The following LHX9 variants were observed in gnomAD, a reference collection of about 807,000 sequenced individuals.
LHX9 encodes the protein LIM homeobox 9.
Under a neutral mutation model 36.5 loss-of-function variants are expected in LHX9, and 9 were observed. The observed-to-expected ratio is 0.25, with a 90% CI of 0.15 to 0.43. The LOEUF is 0.43. LHX9 is among the 20% of genes least tolerant of loss of function. LHX9 has a pLI of 1.00. For synonymous variants in LHX9, 211 were observed against 212.1 expected, an observed-to-expected ratio of 0.99 and a Z score of 0.04; for missense variants, 464 against 526.4, an observed-to-expected ratio of 0.88 and a Z score of 1.16.
upstream of LHX9, chr1:197,917,219 G>C: frequency 8.4e-7 from 1 of 1,189,706 alleles, no homozygotes; most frequent in Non-Finnish European, 1.1e-6. Flanking sequence ...TGTCCTGCTT[G>C]CCCATCACCA....
chr1:197,918,245 G>A (rs938018024), intron 1 of LHX9: 2 of 715,988 alleles, frequency 2.8e-6, no homozygotes, highest in Non-Finnish European at 5.2e-6. Flanking sequence ...GAGAGGAACT[G>A]GGAGGAGGTG....
upstream of LHX9, chr1:197,915,879 CCT>C (rs892583231): frequency 8.5e-5 from 13 of 152,230 alleles, no homozygotes; most frequent in African/African-American, 3.1e-4. Flanking sequence ...TCCCTCTCTC[CCT>C]CTCTCCCTGG....
chr1:197,912,763 C>T, upstream of LHX9: 1 of 629,734 alleles, frequency 1.6e-6, no homozygotes, highest in Non-Finnish European at 2.8e-6. Context: ...CTGAAACCCT[C>T]CTTTTGCCTT....
Position 197,934,234 on chromosome 1 carries a change from AC to A in LHX9, c.*4978del, listed in dbSNP as rs1241033000. ...ATCTACCACACATTCTTTTATAATA[AC>A]CCTTTTTTGGGAGTCAAAGTATTGT... On this transcript the variant is annotated 3_prime_UTR_variant, in exon 5 of 5. Transcript: ENST00000367387. 3 of 148,790 alleles carry A rather than the reference AC, an allele frequency of 2.0e-5. No individual in the cohort carries two copies. The East Asian group carries it at 5.8e-4, about 29-fold the overall frequency. 9.2% of individuals were successfully genotyped at this position (148,790 alleles called of 1,614,324 possible).
At chr1:197,918,227 A>C (rs559691253) in intron 1 of LHX9, 1 of 709,852 alleles carries the variant, frequency 1.4e-6, no homozygotes, top group Non-Finnish European at 2.6e-6. Flanking sequence ...TGATTCCGAA[A>C]GAGCAGGGAG....
chr1:197,924,682 G>A (rs1660092975), intron 3 of LHX9, among the ~76,000 whole-genome samples: 1 of 152,104 alleles, frequency 6.6e-6, no homozygotes, highest in African/African-American at 2.4e-5. Context: ...AAGGCTCCTG[G>A]TGGTTAAATT....
At chr1:197,916,363 G>A (rs1659752719), upstream of LHX9, 2 of 356,240 alleles carry the variant, frequency 5.6e-6, no homozygotes, top group African/African-American at 4.2e-5. Flanking sequence ...ACCCTTCTGA[G>A]TGTGCGGGTG....
chr1:197,918,810 GACTACAGAAGTCTCC>G (rs1557971890), intron 1 of LHX9: 90 of 51,466 alleles, frequency 1.7e-3, no homozygotes, highest in Non-Finnish European at 2.2e-3. Flanking sequence ...GGGGGGGGGG[GACTACAGAAGTCTCC>G]GGAAATTATT....
intron 2 of LHX9, 131 bp downstream of exon 2, chr1:197,920,305 C>A: frequency 2.0e-6 from 1 of 508,914 alleles, no homozygotes; most frequent in South Asian, 1.7e-5. Flanking sequence ...GGAGACCAGG[C>A]AAACCCACTG....
chr1:197,919,264 G>C (rs1659889584), intron 1 of LHX9, among the ~76,000 whole-genome samples: 1 of 152,218 alleles, frequency 6.6e-6, no homozygotes, highest in African/African-American at 2.4e-5. Flanking sequence ...GCACTAAACA[G>C]ATTTTCAAGA....
chr1:197,930,364 C>A lies in LHX9; in HGVS notation c.*1105C>A, dbSNP rs1484370283. On this transcript the variant is annotated 3_prime_UTR_variant, in exon 5 of 5. Coordinates refer to ENST00000367387, the MANE Select transcript of LHX9 (RefSeq NM_020204.3). ...GTCTTAAAGTAGATAAACTCAGAAG[C>A]CTTGTGGATGCTGATCTGAATATAT... is the stretch of plus-strand genomic sequence containing the variant. The A allele has an allele frequency of 1.3e-5, 2 of 152,008 alleles. No homozygotes were observed. The highest frequency in any genetic ancestry group is 4.8e-5 in the African/African-American group (2 of 41,400). 9.4% of individuals were successfully genotyped at this position (152,008 alleles called of 1,614,324 possible). A position where few individuals can be genotyped will look rare whatever the true frequency, so the allele number is the denominator to read the frequency against.
rs1571410507 is a variant in LHX9 at position 197,932,328 on chromosome 1, A to G, written c.*3069A>G. On this transcript the variant is annotated 3_prime_UTR_variant, in exon 5 of 5. Coordinates refer to ENST00000367387, the MANE Select transcript of LHX9 (RefSeq NM_020204.3). ...AAATAAAGTCCAAAACATTCATTTC[A>G]CCTGCTTGCTAATGTGTATTAGTCC... The G allele has an allele frequency of 5.3e-6, 1 of 189,732 alleles. No homozygotes were observed. Among genetic ancestry groups the G allele is most frequent in the Admixed American group, 5.6e-5 (1 of 17,742 alleles). The allele number at this position is 189,732 out of a possible 1,614,324, so 11.8% of individuals were successfully genotyped here.
rs188997238 is a variant in LHX9, at chr1:197,934,974, G to C, written c.*5715G>C. The C allele has an allele frequency of 6.6e-6, 1 of 151,808 alleles. No individual in the cohort carries two copies. The highest frequency in any genetic ancestry group is 6.6e-5 in the Admixed American group (1 of 15,228). The allele number at this position is 151,808 out of a possible 1,614,324, so 9.4% of individuals were successfully genotyped here. On this transcript the variant is annotated 3_prime_UTR_variant, in exon 5 of 5. Coordinates refer to ENST00000367387, the MANE Select transcript of LHX9 (RefSeq NM_020204.3). ...TATTTTATGAGGTTCCCTGGCAGTT[G>C]GGGGGGTGGTGAGGTTGGGAGAGGG...
Position 197,917,719 on chromosome 1 carries a change from C to G in LHX9, c.-105C>G. ...TCTGTTTCTTCTCCTCCTTTCTCTC[C>G]CTCTTTCCCTCCATCCTCGAGCGTC... On this transcript the variant is annotated 5_prime_UTR_variant, in exon 1 of 5. Coordinates refer to ENST00000367387, the MANE Select transcript of LHX9 (RefSeq NM_020204.3). The G allele has an allele frequency of 6.3e-7, 1 of 1,590,660 alleles. No homozygotes were observed. Among genetic ancestry groups the G allele is most frequent in the Non-Finnish European group, 8.5e-7 (1 of 1,172,336 alleles).
rs1367437800 is a variant in LHX9, at chr1:197,917,670, C to G, written c.-154C>G. On this transcript the variant is annotated 5_prime_UTR_variant, in exon 1 of 5. Coordinates refer to ENST00000367387, the MANE Select transcript of LHX9 (RefSeq NM_020204.3). ...GTTCTTTTTGCTTCCCCTCGGCCCC[C>G]CAAGCAGACCGATTTCCACTCCATC... is the stretch of plus-strand genomic sequence containing the variant. 136 of 1,554,014 alleles carry G rather than the reference C, an allele frequency of 8.8e-5. 1 individual carries two copies. The highest frequency in any genetic ancestry group is 1.1e-4 in the Non-Finnish European group (126 of 1,155,942).
chr1:197,917,309 T>C (rs1384954425), upstream of LHX9: 14 of 1,246,222 alleles, frequency 1.1e-5, no homozygotes, highest in African/African-American at 1.6e-5. Flanking sequence ...CTCCTCCTAC[T>C]AAATTATCAA....
chr1:197,921,293 T>G lies in LHX9; in HGVS notation c.378-11T>G, dbSNP rs768935905. On this transcript the variant is annotated splice_polypyrimidine_tract_variant and intron_variant, in intron 2 of 4. Transcript: ENST00000367387. This position sits in a 1 kb window ranked among gnomAD's most constrained non-coding sequence, Gnocchi z 4.6. ...TTCAACTAGCGCCCTGACTCAACTCTTTCCTTCCAGAAGGTTCTCTGTGCA... is the reference window on the plus strand; with the variant it reads ...TTCAACTAGCGCCCTGACTCAACTCGTTCCTTCCAGAAGGTTCTCTGTGCA... 4 of 1,604,528 alleles carry G rather than the reference T, an allele frequency of 2.5e-6. No individual in the cohort carries two copies. The highest frequency in any genetic ancestry group is 1.7e-5 in the Admixed American group (1 of 59,766).
Position 197,929,079 on chromosome 1 carries a change from C to G in LHX9, c.1014C>G (p.Asp338Glu). ...RQENGGVDKA[D>E]GTSLPAPPSA... Reference sequence around the variant, plus strand: ...AGAATGGGGGTGTTGATAAAGCTGACGGCACGTCGCTTCCGGCCCCGCCCT... The same window carrying G: ...AGAATGGGGGTGTTGATAAAGCTGAGGGCACGTCGCTTCCGGCCCCGCCCT... Residue 338 changes from aspartate (D) to glutamate (E), a missense_variant, in exon 5 of 5, where the codon GAC becomes GAG. Coordinates refer to ENST00000367387, the MANE Select transcript of LHX9 (RefSeq NM_020204.3). 6.2e-7 allele frequency: 1 copy of G among 1,613,590 alleles called. No homozygotes were observed.
chr1:197,916,436 C>T, upstream of LHX9: 2 of 547,748 alleles, frequency 3.7e-6, no homozygotes, highest in Non-Finnish European at 6.5e-6. Context: ...ATGGGGCTAG[C>T]GCCCAGTCCT....
Sources: gnomAD v4.1 joint callset for allele counts (sites outside exome capture counted in the v4.1 genomes callset) on GRCh38, gnomAD v4.1.1 for gene constraint, Gnocchi (gnomAD v3.1) non-coding constraint, MANE v1.5 for transcripts, NCBI Gene and HGNC (gene_info 2026-07-23, HGNC 2026-07-21) for gene names.